Variants in EXOC4 observed in about 807,000 individuals in gnomAD.
EXOC4 encodes exocyst complex component 4, also known as SEC8-like 1.
Under a neutral mutation model 107.2 loss-of-function variants are expected in EXOC4, and 71 were observed. The ratio of observed to expected loss-of-function variants is 0.66; its 90% CI spans 0.55 to 0.81. EXOC4 has a LOEUF of 0.81. EXOC4 is among the 30% of genes least tolerant of loss of function. EXOC4 has a pLI of 0.00. For missense variants in EXOC4, 1,108 were observed against 1,189.6 expected (o/e 0.93, Z 1.01); for synonymous variants, 456 against 441.2 (o/e 1.03, Z -0.42).
intron 11 of EXOC4, among the ~76,000 whole-genome samples, chr7:133,819,525 A>T (rs1359972696): frequency 6.6e-6 from 1 of 152,148 alleles, no homozygotes; most frequent in East Asian, 1.9e-4. Flanking sequence ...GGATGGATGG[A>T]TGGATGGATA....
chr7:133,519,629 C>T (rs565493901), intron 9 of EXOC4, among the ~76,000 whole-genome samples: 4 of 152,118 alleles, frequency 2.6e-5, no homozygotes, highest in African/African-American at 9.6e-5. Flanking sequence ...AAAGAGGAAT[C>T]AATCCATAGC....
chr7:133,479,431 G>GGTATTTTTGAGA (rs1339560199), intron 8 of EXOC4: 1 of 152,226 alleles, frequency 6.6e-6, no homozygotes, highest in Non-Finnish European at 1.5e-5. Flanking sequence ...TGCGTAGCTT[G>GGTATTTTTGAGA]GTATTTTTGA....
chr7:133,629,902 A>G (rs949341050), intron 9 of EXOC4, 143 bp from the exon 10 acceptor site: 9 of 601,350 alleles, frequency 1.5e-5, no homozygotes, highest in African/African-American at 1.1e-4. Context: ...AAGTCATTCA[A>G]AATAATTTCG....
chr7:133,782,524 C>G (rs926123897), intron 10 of EXOC4, among the ~76,000 whole-genome samples: 15 of 152,156 alleles, frequency 9.9e-5, no homozygotes, highest in Non-Finnish European at 2.1e-4. Flanking sequence ...ACAGATGAAA[C>G]TCAGATCAGG....
At chr7:133,696,807 C>T (rs1185629436) in intron 10 of EXOC4, among the ~76,000 whole-genome samples, 1 of 152,182 alleles carries the variant, frequency 6.6e-6, no homozygotes, top group Admixed American at 6.5e-5. Context: ...TCAGCCTCTC[C>T]CTTACTATGT....
intron 1 of EXOC4, among the ~76,000 whole-genome samples, chr7:133,260,410 A>G (rs1238105808): frequency 6.6e-6 from 1 of 151,660 alleles, no homozygotes; most frequent in African/African-American, 2.4e-5. Context: ...AGTAGCTGGG[A>G]TTATAGGCGT....
At chr7:133,521,588 A>G (rs1799980418) in intron 9 of EXOC4, among the ~76,000 whole-genome samples, 1 of 151,388 alleles carries the variant, frequency 6.6e-6, no homozygotes. Context: ...ATTATTTGTG[A>G]TTCATTTCAG....
At chr7:133,903,475 C>T (rs1799500600) in intron 12 of EXOC4, among the ~76,000 whole-genome samples, 1 of 152,066 alleles carries the variant, frequency 6.6e-6, no homozygotes, top group African/African-American at 2.4e-5. Context: ...GCTGAATTCC[C>T]TGCCAGATTG....
chr7:133,371,921 A>G (rs1033830587), intron 6 of EXOC4, among the ~76,000 whole-genome samples: 24 of 152,198 alleles, frequency 1.6e-4, no homozygotes, highest in Non-Finnish European at 2.9e-4. Flanking sequence ...TTTGATTGTA[A>G]CCATCCTAGT....
At chr7:133,652,034 G>A (rs759015127) in intron 10 of EXOC4, among the ~76,000 whole-genome samples, 1 of 152,124 alleles carries the variant, frequency 6.6e-6, no homozygotes, top group South Asian at 2.1e-4. Context: ...TTCATTATTG[G>A]CTTAGAAATA....
chr7:133,598,970 T>C (rs544971204), intron 9 of EXOC4, among the ~76,000 whole-genome samples: 23 of 152,048 alleles, frequency 1.5e-4, no homozygotes, highest in Non-Finnish European at 2.9e-4. Context: ...GGCGACAGAG[T>C]GAGACTCCAT....
At chr7:133,628,373 A>G (rs1004093350) in intron 9 of EXOC4, among the ~76,000 whole-genome samples, 1 of 152,192 alleles carries the variant, frequency 6.6e-6, no homozygotes, top group Non-Finnish European at 1.5e-5. Flanking sequence ...GGGCCTTTAT[A>G]GCTAAACTTA....
intron 8 of EXOC4, chr7:133,479,347 C>T (rs1799098543): frequency 6.6e-6 from 1 of 152,028 alleles, no homozygotes; most frequent in Non-Finnish European, 1.5e-5. Context: ...TATCATGAGT[C>T]TCTCCCTCCT....
chr7:133,581,011 C>G (rs757867231), intron 9 of EXOC4, among the ~76,000 whole-genome samples: 4 of 152,166 alleles, frequency 2.6e-5, no homozygotes, highest in African/African-American at 9.7e-5. Context: ...TATAAGCAGT[C>G]TCATGCTGGT....
chr7:133,516,097 T>G (rs997869511), intron 9 of EXOC4, among the ~76,000 whole-genome samples: 1 of 152,104 alleles, frequency 6.6e-6, no homozygotes, highest in Non-Finnish European at 1.5e-5. Flanking sequence ...GTCTCTAAGG[T>G]GGATAATATG....
chr7:134,015,059 G>A (rs1794869286), intron 17 of EXOC4, among the ~76,000 whole-genome samples: 3 of 152,140 alleles, frequency 2.0e-5, no homozygotes. Context: ...GGTAGTTCCG[G>A]GGACTGGAGA....
chr7:133,801,569 T>G (rs189370618), intron 10 of EXOC4, among the ~76,000 whole-genome samples: 132 of 152,282 alleles, frequency 8.7e-4, no homozygotes, highest in African/African-American at 3.1e-3. Flanking sequence ...GGCTCTGCAG[T>G]GAAATAATCC....
chr7:133,913,909 A>G (rs905865176), intron 12 of EXOC4, among the ~76,000 whole-genome samples: 30 of 152,354 alleles, frequency 2.0e-4, no homozygotes, highest in East Asian at 1.7e-3. Flanking sequence ...AAGAGCCATC[A>G]GTTTGGCTAA....
At chr7:133,483,764 A>C (rs2150864842) in intron 9 of EXOC4, among the ~76,000 whole-genome samples, 1 of 152,354 alleles carries the variant, frequency 6.6e-6, no homozygotes, top group Non-Finnish European at 1.5e-5. Flanking sequence ...TCTCTGATGA[A>C]TGCTTTTAAC....
Sources: gnomAD v4.1 joint callset for allele counts (sites outside exome capture counted in the v4.1 genomes callset) on GRCh38, gnomAD v4.1.1 for gene constraint, MANE v1.5 for transcripts, NCBI Gene and HGNC (gene_info 2026-07-23, HGNC 2026-07-21) for gene names.